Variants in DNAH8 observed in about 807,000 individuals in gnomAD.
The protein encoded by DNAH8 is axonemal beta dynein heavy chain 8.
DNAH8 carries 382 observed loss-of-function variants against 562.1 expected under a neutral mutation model. The ratio of observed to expected loss-of-function variants is 0.68; its 90% CI spans 0.63 to 0.74. The LOEUF (loss-of-function observed/expected upper bound fraction) is 0.74, where lower values mean the gene tolerates loss of function less well. Ranked by LOEUF, DNAH8 falls within the 30% of genes least tolerant of loss-of-function variation. The pLI, the probability that DNAH8 is intolerant of heterozygous loss-of-function variation, is 0.00. For missense variants in DNAH8, 5,203 were observed against 5,620.4 expected (o/e 0.93, Z 2.37); for synonymous variants, 1,881 against 1,919.4 (o/e 0.98, Z 0.52).
At chr6:38,734,711 T>G in intron 5 of DNAH8, 86 bp downstream of exon 5, 2 of 1,432,622 alleles carry the variant, frequency 1.4e-6, no homozygotes, top group South Asian at 2.7e-5. Context: ...GCTTTCCCTT[T>G]TTAAATATAG....
chr6:38,912,880 G>A (rs1271333130), intron 66 of DNAH8, among the ~76,000 whole-genome samples: 1 of 151,392 alleles, frequency 6.6e-6, no homozygotes, highest in East Asian at 1.9e-4. Context: ...CGTGATCTCT[G>A]TTCACTGCAA....
intron 24 of DNAH8, among the ~76,000 whole-genome samples, chr6:38,810,698 T>C (rs538226975): frequency 6.6e-6 from 1 of 152,354 alleles, no homozygotes; most frequent in Admixed American, 6.5e-5. Flanking sequence ...ACTGTACATA[T>C]TTTATTCCTG....
chr6:38,807,888 A>G (rs1382799354), intron 24 of DNAH8, among the ~76,000 whole-genome samples, 172 bp downstream of exon 24: 2 of 152,198 alleles, frequency 1.3e-5, no homozygotes, highest in Admixed American at 6.5e-5. Flanking sequence ...ATGAACACCC[A>G]TATTCCCAAC....
chr6:39,000,695 A>G (rs1392309540), intron 88 of DNAH8, among the ~76,000 whole-genome samples: 1 of 152,232 alleles, frequency 6.6e-6, no homozygotes, highest in Non-Finnish European at 1.5e-5. Flanking sequence ...GGTGAGTTGT[A>G]TAATTACTTC....
At chr6:38,755,130 A>AT (rs1267063990) in intron 9 of DNAH8, among the ~76,000 whole-genome samples, 1 of 152,084 alleles carries the variant, frequency 6.6e-6, no homozygotes, top group Admixed American at 6.6e-5. Flanking sequence ...GTGGCCTAGT[A>AT]TTATGTAGGA....
intron 82 of DNAH8, among the ~76,000 whole-genome samples, chr6:38,954,031 C>T (rs990016471): frequency 1.4e-4 from 22 of 151,862 alleles, no homozygotes; most frequent in African/African-American, 4.4e-4. Flanking sequence ...AAATAACATA[C>T]GGATGGGACA....
chr6:38,919,749 T>C (rs1429162042), intron 70 of DNAH8, among the ~76,000 whole-genome samples: 2 of 152,172 alleles, frequency 1.3e-5, no homozygotes, highest in Non-Finnish European at 2.9e-5. Flanking sequence ...ACTCAGTCAT[T>C]CCTAATTAGG....
chr6:39,007,248 G>A (rs375781536), intron 88 of DNAH8, among the ~76,000 whole-genome samples: 20 of 152,264 alleles, frequency 1.3e-4, no homozygotes, highest in African/African-American at 3.8e-4. Context: ...TAATTCTTAG[G>A]TGTAGAATTG....
intron 79 of DNAH8, 131 bp downstream of exon 79, chr6:38,939,119 T>G (rs1388897573): frequency 5.7e-6 from 4 of 705,774 alleles, no homozygotes; most frequent in African/African-American, 1.8e-5. Context: ...TTAAGTTTTA[T>G]TTTTAATACC....
chr6:38,835,126 G>A (rs1441086931), intron 32 of DNAH8, among the ~76,000 whole-genome samples: 4 of 151,986 alleles, frequency 2.6e-5, no homozygotes, highest in African/African-American at 2.4e-5. Flanking sequence ...ATTGCTGAGC[G>A]CGTCTAGAGA....
At position 38,860,488 on chromosome 6, in the gene DNAH8, T is replaced by C. The variant is rs1554231355; in HGVS notation, c.5990T>C (p.Phe1997Ser). 1 of 1,466,794 alleles carries C rather than the reference T, an allele frequency of 6.8e-7. No individual in the cohort carries two copies. Among genetic ancestry groups the C allele is most frequent in the Non-Finnish European group, 9.0e-7 (1 of 1,108,014 alleles). The allele number at this position is 1,466,794 out of a possible 1,614,324, so 90.9% of individuals were successfully genotyped here. Residue 1997 changes from phenylalanine (F) to serine (S), a missense_variant, in exon 43 of 93, where the codon TTT becomes TCT. Phe to Ser is a radical substitution (Grantham distance 155). Around this residue, in one of 6 missense-constraint regions of DNAH8, gnomAD observed 2,176 missense variants for 2,365.1 expected, o/e 0.92. Coordinates refer to ENST00000327475, the MANE Select transcript of DNAH8 (RefSeq NM_001206927.2). The part of the protein sequence containing the change: ...VKMHIKSPTD[F>S]EWLKQSRFYF... ...ATGCATATCAAATCACCTACTGACT[T>C]TGAATGGCTAAAACAGAGTAGATTT...
At chr6:38,781,679 T>TA (rs1378274508) in intron 16 of DNAH8, among the ~76,000 whole-genome samples, 3 of 152,026 alleles carry the variant, frequency 2.0e-5, no homozygotes, top group Non-Finnish European at 2.9e-5. Context: ...TTGAAAACAA[T>TA]AAAGTACAGG....
chr6:38,841,047 G>T (rs986023515), intron 33 of DNAH8, among the ~76,000 whole-genome samples: 9 of 151,988 alleles, frequency 5.9e-5, no homozygotes, highest in South Asian at 2.1e-4. Flanking sequence ...AATGAATCAA[G>T]AATTGAAAAA....
At chr6:38,779,917 A>G (rs1768415908) in intron 14 of DNAH8, 49 bp from the exon 15 acceptor site, 6 of 1,518,764 alleles carry the variant, frequency 4.0e-6, no homozygotes, top group East Asian at 2.3e-5. Context: ...GCAAGTCTTA[A>G]GTATATTTCT....
chr6:38,921,589 G>T, intron 71 of DNAH8, 83 bp downstream of exon 71: 1 of 1,442,524 alleles, frequency 6.9e-7, no homozygotes, highest in South Asian at 1.4e-5. Context: ...TCAGGCAAAT[G>T]GTTGTGATGA....
At chr6:39,005,693 G>T (rs185827778) in intron 88 of DNAH8, among the ~76,000 whole-genome samples, 129 of 152,266 alleles carry the variant, frequency 8.5e-4, no homozygotes, top group Non-Finnish European at 1.0e-3. Context: ...TCTTGAAAGA[G>T]AGTTTTGTTT....
At chr6:38,875,484 T>C in intron 52 of DNAH8, 107 bp from the exon 53 acceptor site, 1 of 670,804 alleles carries the variant, frequency 1.5e-6, no homozygotes, top group Middle Eastern at 4.2e-4. Flanking sequence ...TTGAGATATA[T>C]CTATTTTTCT....
At chr6:38,845,405 T>C (rs1775205160) in intron 35 of DNAH8, among the ~76,000 whole-genome samples, 169 bp from the exon 36 acceptor site, 1 of 152,292 alleles carries the variant, frequency 6.6e-6, no homozygotes, top group East Asian at 1.9e-4. Context: ...AAGGCTCTAG[T>C]GTCAAGTTGC....
chr6:38,741,779 C>G lies in DNAH8; in HGVS notation c.1185C>G (p.His395Gln). The G allele has an allele frequency of 1.2e-6, 2 of 1,614,076 alleles. No individual in the cohort carries two copies. The highest frequency in any genetic ancestry group is 1.7e-6 in the Non-Finnish European group (2 of 1,179,992). ...CAGGTCCACTCACTGAATTGGAACA[C>G]TGGAAACGCATGTCAGCCAAGTTCA... The part of the protein sequence containing the change: ...GDSGPLTELE[H>Q]WKRMSAKFNY... Residue 395 changes from histidine to glutamine, a missense_variant, in exon 8 of 93, where the codon CAC becomes CAG. His to Gln is a conservative substitution (Grantham distance 24). Around this residue, in one of 6 missense-constraint regions of DNAH8, gnomAD observed 556 missense variants for 496.9 expected, o/e 1.12. Coordinates refer to ENST00000327475, the MANE Select transcript of DNAH8 (RefSeq NM_001206927.2).
Sources: allele counts gnomAD v4.1 joint callset (sites outside exome capture counted in the v4.1 genomes callset), GRCh38; gene constraint gnomAD v4.1.1; regional missense constraint gnomAD v4.1.1; transcripts MANE v1.5; gene names NCBI Gene and HGNC (gene_info 2026-07-23, HGNC 2026-07-21).